ADH7: variants seen among roughly 807,000 people sequenced by gnomAD.
The protein encoded by ADH7 is all-trans-retinol dehydrogenase [NAD(+)] ADH7.
In ADH7, 41 loss-of-function variants were observed where a neutral mutation model predicts 34.4. That is an observed-to-expected ratio of 1.19 (90% confidence interval 0.93 to 1.55). ADH7 has a LOEUF of 1.55. ADH7 is among the 40% of genes most tolerant of loss of function. The pLI is 0.00. For missense variants in ADH7, 540 were observed against 461.2 expected (o/e 1.17, Z -1.56); for synonymous variants, 180 against 160.9 (o/e 1.12, Z -0.90).
At chr4:99,414,960 A>T (rs1180155770) in intron 8 of ADH7, among the ~76,000 whole-genome samples, 1 of 152,200 alleles carries the variant, frequency 6.6e-6, no homozygotes. Flanking sequence ...TGATATGGTT[A>T]GACTTTGTGT....
At chr4:99,428,667 A>G (rs1336228901) in intron 2 of ADH7, 37 bp from the exon 3 acceptor site, 1 of 1,594,734 alleles carries the variant, frequency 6.3e-7, no homozygotes, top group East Asian at 2.2e-5. Flanking sequence ...CCAATCAACA[A>G]ACTGATCATT....
intron 5 of ADH7, among the ~76,000 whole-genome samples, chr4:99,424,788 G>A (rs559217158): frequency 6.6e-6 from 1 of 152,022 alleles, no homozygotes; most frequent in Admixed American, 6.6e-5. Flanking sequence ...GAGACAATGG[G>A]GTTTTCTAGA....
rs764699940 is a variant in ADH7 at position 99,420,546 on chromosome 4, T to A, written c.812A>T (p.His271Leu). The change falls in exon 6 of 9, where the codon CAT (histidine) becomes CTT (leucine). Residue 271 changes from histidine (H) to leucine (L), a missense_variant. His to Leu is a moderately conservative substitution (Grantham distance 99). Coordinates refer to ENST00000437033, the MANE Select transcript of ADH7 (RefSeq NM_000673.7). ...TTTGGGTCTTACCATGGTTTCAAGATGCCCAATAACTTCAAAGGTGTATCC... is the reference window on the plus strand; with the variant it reads ...TTTGGGTCTTACCATGGTTTCAAGAAGCCCAATAACTTCAAAGGTGTATCC... ...NVGYTFEVIG[H>L]LETMIDALAS... 1.2e-6 allele frequency: 2 copies of A among 1,613,002 alleles called. No individual in the cohort carries two copies. Among genetic ancestry groups the A allele is most frequent in the East Asian group, 4.5e-5 (2 of 44,864 alleles).
At chr4:99,414,988 C>T (rs1292710821) in intron 8 of ADH7, among the ~76,000 whole-genome samples, 1 of 152,160 alleles carries the variant, frequency 6.6e-6, no homozygotes, top group Non-Finnish European at 1.5e-5. Context: ...CAAATCTCAT[C>T]TTGAATTATA....
chr4:99,428,061 T>C, intron 4 of ADH7, 26 bp downstream of exon 4: 1 of 1,613,486 alleles, frequency 6.2e-7, no homozygotes, highest in Non-Finnish European at 8.5e-7. Flanking sequence ...TGTAAATACA[T>C]TAAAGTAAAA....
chr4:99,431,385 A>G (rs957891750), intron 1 of ADH7, among the ~76,000 whole-genome samples: 3 of 152,346 alleles, frequency 2.0e-5, no homozygotes, highest in Admixed American at 1.3e-4. Flanking sequence ...TAACTTAGGG[A>G]ATACCATTCT....
chr4:99,430,084 A>G (rs1721906372), intron 1 of ADH7: 1 of 153,272 alleles, frequency 6.5e-6, no homozygotes, highest in South Asian at 2.0e-4. Context: ...TTAAACCAGT[A>G]TTTAATAGCT....
chr4:99,420,469 A>T, intron 6 of ADH7, 64 bp downstream of exon 6: 1 of 1,509,046 alleles, frequency 6.6e-7, no homozygotes, highest in Non-Finnish European at 9.1e-7. Context: ...ATAGACAATT[A>T]AATTTACCTT....
chr4:99,415,311 TATGAAA>T, intron 8 of ADH7, 161 bp downstream of exon 8: 1 of 729,136 alleles, frequency 1.4e-6, no homozygotes, highest in South Asian at 1.7e-5. Flanking sequence ...TTTATAGTAG[TATGAAA>T]ATACACTAAT....
rs1388216518 is a variant in ADH7, at chr4:99,419,109, C to T, written c.838G>A (p.Ala280Thr). Residue 280 changes from alanine to threonine, a missense_variant, in exon 7 of 9, where the codon GCA becomes ACA. Transcript: ENST00000437033. Reference protein sequence around the residue: ...GHLETMIDALASCHMNYGTSV... With the variant: ...GHLETMIDALTSCHMNYGTSV... ...GTCCCATAGTTCATGTGGCAGGATGCCAGGGCATCAATCTGAGTTTAAAAC... is the reference window on the plus strand; with the variant it reads ...GTCCCATAGTTCATGTGGCAGGATGTCAGGGCATCAATCTGAGTTTAAAAC... The T allele has an allele frequency of 1.9e-6, 3 of 1,613,498 alleles. No individual in the cohort carries two copies. The highest frequency in any genetic ancestry group is 2.2e-5 in the East Asian group (1 of 44,868).
Position 99,420,582 on chromosome 4 carries a change from C to A in ADH7, c.776G>T (p.Gly259Val), listed in dbSNP as rs143235779. The A allele has an allele frequency of 6.2e-7, 1 of 1,613,926 alleles. No homozygotes were observed. The highest frequency in any genetic ancestry group is 1.7e-5 in the Admixed American group (1 of 59,946). ...PISEVLSEMT[G>V]NNVGYTFEVI... ...TTCAAAGGTGTATCCCACGTTGTTG[C>A]CTGTCATTTCTGACAGCACCTCACT... is the stretch of plus-strand genomic sequence containing the variant. The change falls in exon 6 of 9, where the codon GGC becomes GTC. Residue 259 changes from glycine (G) to valine (V), a missense_variant. Gly to Val is a moderately radical substitution (Grantham distance 109). Transcript: ENST00000437033.
At chr4:99,415,411 T>C in intron 8 of ADH7, 67 bp downstream of exon 8, 2 of 1,485,516 alleles carry the variant, frequency 1.3e-6, no homozygotes, top group Non-Finnish European at 9.3e-7. Flanking sequence ...AACAGGCACA[T>C]TTATAAGTAC....
rs774102086 is a variant in ADH7, at chr4:99,419,091, A to G, written c.856T>C (p.Tyr286His). 6.2e-7 allele frequency: 1 copy of G among 1,613,816 alleles called. No homozygotes were observed. The highest frequency in any genetic ancestry group is 1.7e-5 in the Admixed American group (1 of 59,916). ...IDALASCHMN[Y>H]GTSVVVGVPP... ...ACTCCTACAACCACGCTGGTCCCAT[A>G]GTTCATGTGGCAGGATGCCAGGGCA... Residue 286 changes from tyrosine (Y) to histidine (H), a missense_variant, in exon 7 of 9, where the codon TAT becomes CAT. By Grantham distance (83) the Tyr-to-His change is moderately conservative (BLOSUM62 2). Transcript: ENST00000437033.
chr4:99,421,279 C>A (rs1721656705), intron 5 of ADH7, among the ~76,000 whole-genome samples: 1 of 152,202 alleles, frequency 6.6e-6, no homozygotes, highest in African/African-American at 2.4e-5. Context: ...ACAAAAACAG[C>A]ATGGTACTGG....
chr4:99,427,720 T>A, intron 5 of ADH7, 53 bp downstream of exon 5: 1 of 1,254,802 alleles, frequency 8.0e-7, no homozygotes. Context: ...TCCAAGCAAA[T>A]CATTTAAGAA....
chr4:99,428,678 T>G (rs373159140), intron 2 of ADH7, 48 bp from the exon 3 acceptor site: 19 of 1,580,190 alleles, frequency 1.2e-5, no homozygotes, highest in Non-Finnish European at 1.5e-5. Context: ...ACTGATCATT[T>G]CACTGTTGGG....
rs1312670476 is a variant in ADH7 at position 99,419,002 on chromosome 4, C to T, written c.945G>A (p.Lys315=). The T allele has an allele frequency of 1.2e-6, 2 of 1,613,664 alleles. No individual in the cohort carries two copies. Among genetic ancestry groups the T allele is most frequent in the African/African-American group, 1.3e-5 (1 of 74,896 alleles). The change falls in exon 7 of 9, where the codon AAG becomes AAA. Residue 315 remains lysine, a synonymous_variant. Coordinates refer to ENST00000437033, the MANE Select transcript of ADH7 (RefSeq NM_000673.7). ...TTTCCTGACCTCCAAAGACACATCC[C>T]TTCCATGTGCGTCCAGTGAAGAGCA... ...PMLLFTGRTW[K]GCVFGGLKSR...
In ADH7 at chr4:99,435,309, A is replaced by T. The variant is rs17537595; in HGVS notation, c.-76T>A. 4 of 1,597,702 alleles carry T rather than the reference A, an allele frequency of 2.5e-6. No homozygotes were observed. Among genetic ancestry groups the T allele is most frequent in the Non-Finnish European group, 3.4e-6 (4 of 1,168,262 alleles). Reference sequence around the variant, plus strand: ...TGATGCTCAGTTCACTCTGTTGTATATAACAGCAGCTTGTGCCTTCACATA... The same window carrying T: ...TGATGCTCAGTTCACTCTGTTGTATTTAACAGCAGCTTGTGCCTTCACATA... On this transcript the variant is annotated 5_prime_UTR_variant, in exon 1 of 9. Transcript: ENST00000437033.
chr4:99,427,525 A>T (rs183990924), intron 5 of ADH7, among the ~76,000 whole-genome samples: 2 of 152,324 alleles, frequency 1.3e-5, no homozygotes, highest in Admixed American at 1.3e-4. Context: ...TATTTTAAAG[A>T]TGGAGAAATG....
Sources: gnomAD v4.1 joint callset for allele counts (sites outside exome capture counted in the v4.1 genomes callset) on GRCh38, gnomAD v4.1.1 for gene constraint, MANE v1.5 for transcripts, NCBI Gene and HGNC (gene_info 2026-07-23, HGNC 2026-07-21) for gene names.